Variants in LITAF observed in about 807,000 individuals in gnomAD.
The protein encoded by LITAF is lipopolysaccharide-induced tumor necrosis factor-alpha factor.
LITAF carries 9 observed loss-of-function variants against 14.5 expected under a neutral mutation model. The observed-to-expected ratio is 0.62, with a 90% CI of 0.37 to 1.08. The LOEUF (loss-of-function observed/expected upper bound fraction) is 1.08. Ranked by LOEUF, LITAF falls within the 50% of genes least tolerant of loss-of-function variation. The probability of loss-of-function intolerance (pLI) is 0.01; values close to 1 mark genes in which losing one functional copy is unlikely to be tolerated. For missense variants in LITAF, 206 were observed against 213.4 expected, an observed-to-expected ratio of 0.97 and a Z score of 0.22; for synonymous variants, 98 against 88.2, an observed-to-expected ratio of 1.11 and a Z score of -0.62.
chr16:11,593,646 A>G (rs2064862794), intron 1 of LITAF, among the ~76,000 whole-genome samples: 2 of 152,236 alleles, frequency 1.3e-5, no homozygotes, highest in Admixed American at 1.3e-4. Context: ...AGTATTGACC[A>G]TAAAAGAATT....
chr16:11,616,493 G>GAA (rs201549448), intron 3 of LITAF, among the ~76,000 whole-genome samples: 3 of 129,792 alleles, frequency 2.3e-5, no homozygotes, highest in Admixed American at 7.7e-5. Context: ...AACAAAACAA[G>GAA]AAAAAAAAAA....
chr16:11,606,859 G>C (rs776943941), intron 3 of LITAF, among the ~76,000 whole-genome samples: 1 of 152,064 alleles, frequency 6.6e-6, no homozygotes, highest in African/African-American at 2.4e-5. Flanking sequence ...GAGTGGTTTC[G>C]AACTCCTGAC....
At chr16:11,636,165 G>T (rs1004650448) in intron 1 of LITAF, 1 of 152,196 alleles carries the variant, frequency 6.6e-6, no homozygotes, top group Non-Finnish European at 1.5e-5. Flanking sequence ...CTCGGAGCCG[G>T]GCTGGGGCAA....
intron 1 of LITAF, among the ~76,000 whole-genome samples, chr16:11,583,346 C>A (rs559916432): frequency 6.6e-6 from 1 of 152,174 alleles, no homozygotes; most frequent in Admixed American, 6.6e-5. Flanking sequence ...GCTGCTCCCC[C>A]ACAATCAGAG....
chr16:11,631,320 G>A (rs2065116834), intron 3 of LITAF, among the ~76,000 whole-genome samples: 1 of 152,174 alleles, frequency 6.6e-6, no homozygotes, highest in African/African-American at 2.4e-5. Flanking sequence ...ATCTAGGGAG[G>A]GTCCTCTCTT....
chr16:11,555,658 CA>C (rs5815645), intron 2 of LITAF, among the ~76,000 whole-genome samples: 30,908 of 121,842 alleles, frequency 0.25, 3,912 homozygotes, highest in South Asian at 0.41. Context: ...GACCCTGTCT[CA>C]AAAAAAAAAA....
intron 3 of LITAF, among the ~76,000 whole-genome samples, chr16:11,613,633 G>C (rs2141881503): frequency 6.6e-6 from 1 of 152,344 alleles, no homozygotes; most frequent in Admixed American, 6.5e-5. Flanking sequence ...CTTCCAGGAG[G>C]AAGTGGCTCT....
chr16:11,557,593 G>T (rs9923255), intron 1 of LITAF, among the ~76,000 whole-genome samples: 40,810 of 151,882 alleles, frequency 0.27, 6,019 homozygotes, highest in Non-Finnish European at 0.32. Flanking sequence ...GGGACTACAG[G>T]CATGTGCCCC....
chr16:11,615,890 C>T (rs528224484), intron 3 of LITAF, among the ~76,000 whole-genome samples: 1 of 152,060 alleles, frequency 6.6e-6, no homozygotes, highest in Non-Finnish European at 1.5e-5. Context: ...CTTTGGAATG[C>T]TTAGAGGGTT....
intron 3 of LITAF, among the ~76,000 whole-genome samples, chr16:11,626,957 C>T (rs570108032): frequency 2.6e-5 from 4 of 152,236 alleles, no homozygotes; most frequent in South Asian, 2.1e-4. Flanking sequence ...ATCCTCCCAC[C>T]GCAGCCTCCC....
At chr16:11,573,695 G>A (rs1373276981) in intron 1 of LITAF, among the ~76,000 whole-genome samples, 2 of 139,354 alleles carry the variant, frequency 1.4e-5, no homozygotes, top group Non-Finnish European at 3.0e-5. Flanking sequence ...GAGAGAAGAA[G>A]ATATCCTTTT....
rs938998741 is a variant in LITAF, at chr16:11,632,222, C to T, written c.85+1311G>A. Reference sequence around the variant, plus strand: ...CCTTCACAAGTGCTGGGAGTTACGTCGTGGACGTGTCTTTCGGGGAGGGGT... The same window carrying T: ...CCTTCACAAGTGCTGGGAGTTACGTTGTGGACGTGTCTTTCGGGGAGGGGT... On this transcript the variant is annotated intron_variant, in intron 3 of 3. Transcript: ENST00000574848. The surrounding 1 kb of genome is among the most constrained non-coding windows in gnomAD (Gnocchi z 4.8). Among the ~76,000 whole-genome samples, 1 of 152,084 alleles carries T rather than the reference C, an allele frequency of 6.6e-6. No individual in the cohort carries two copies.
In LITAF at chr16:11,549,361, T is replaced by C. The variant is rs1392918584; in HGVS notation, c.*276A>G. Reference sequence around the variant, plus strand: ...ATTCGGATAGGGCAATGATCACAGTTAGATGGCAGGACTCAGGGTCTCAGG... The same window carrying C: ...ATTCGGATAGGGCAATGATCACAGTCAGATGGCAGGACTCAGGGTCTCAGG... On this transcript the variant is annotated 3_prime_UTR_variant, in exon 4 of 4. Coordinates refer to ENST00000622633, the MANE Select transcript of LITAF (RefSeq NM_001136472.2). This position sits in a 1 kb window ranked among gnomAD's most constrained non-coding sequence, Gnocchi z 4.6. The C allele has an allele frequency of 2.0e-6, 1 of 509,662 alleles. No homozygotes were observed. The highest frequency in any genetic ancestry group is 3.8e-6 in the Non-Finnish European group (1 of 262,254). 31.6% of individuals were successfully genotyped at this position (509,662 alleles called of 1,614,324 possible).
rs762294933 is a variant in LITAF at position 11,556,447 on chromosome 16, C to T, written c.220+64G>A. On this transcript the variant is annotated intron_variant, in intron 2 of 3. Transcript: ENST00000622633. ...CTCTTTGGCAGAGTCACTTCGGTCA[C>T]TCTCCTGATTCCCAGGGTGGAGGGC... is the stretch of plus-strand genomic sequence containing the variant. 4.2e-6 allele frequency: 6 copies of T among 1,439,992 alleles called. No individual in the cohort carries two copies. In the South Asian group the frequency reaches 6.3e-5, roughly 15 times the overall value. 89.2% of individuals were successfully genotyped at this position (1,439,992 alleles called of 1,614,324 possible). A position where few individuals can be genotyped will look rare whatever the true frequency, so the allele number is the denominator to read the frequency against.
chr16:11,602,451 T>C (rs1421825104), upstream of LITAF, among the ~76,000 whole-genome samples: 1 of 152,202 alleles, frequency 6.6e-6, no homozygotes, highest in African/African-American at 2.4e-5. Context: ...AGCAGGCTGC[T>C]AAATTCTTCA....
intron 3 of LITAF, among the ~76,000 whole-genome samples, chr16:11,615,050 T>C (rs1306045627): frequency 6.6e-6 from 1 of 152,060 alleles, no homozygotes; most frequent in African/African-American, 2.4e-5. Context: ...GGATGACCAG[T>C]CGGTACACAC....
At position 11,630,008 on chromosome 16, in the gene LITAF, T is replaced by G. The variant is rs1484234124; in HGVS notation, c.85+3525A>C. On this transcript the variant is annotated intron_variant, in intron 3 of 3. Transcript: ENST00000574848. ...GGGAAGAGAAGGAGTTCGGGTGCCT[T>G]CCTGGACTCATTCCAGCACCCACAG... is the stretch of plus-strand genomic sequence containing the variant. Among the ~76,000 whole-genome samples the G allele has an allele frequency of 3.3e-5, 5 of 152,188 alleles. No individual in the cohort carries two copies. In the East Asian group the frequency reaches 7.7e-4, roughly 23 times the overall value.
At chr16:11,599,607 C>T (rs1045468379), upstream of LITAF, among the ~76,000 whole-genome samples, 4 of 152,096 alleles carry the variant, frequency 2.6e-5, no homozygotes, top group African/African-American at 7.2e-5. Flanking sequence ...CACAAACCAC[C>T]CCCTACCTGA....
At chr16:11,570,748 CA>C (rs769874249) in intron 1 of LITAF, among the ~76,000 whole-genome samples, 2 of 151,818 alleles carry the variant, frequency 1.3e-5, no homozygotes, top group Non-Finnish European at 1.5e-5. Context: ...CTCATCACTA[CA>C]AAAATTACAA....
Sources: gnomAD v4.1 joint callset for allele counts (sites outside exome capture counted in the v4.1 genomes callset) on GRCh38, gnomAD v4.1.1 for gene constraint, Gnocchi (gnomAD v3.1) non-coding constraint, MANE v1.5 for transcripts, NCBI Gene and HGNC (gene_info 2026-07-23, HGNC 2026-07-21) for gene names.